DMD: variants seen among roughly 807,000 people sequenced by gnomAD.
DMD encodes dystrophin.
A neutral mutation model predicts 330.1 loss-of-function variants in DMD; 63 were observed. The ratio of observed to expected loss-of-function variants is 0.19; its 90% confidence interval spans 0.16 to 0.24. The LOEUF is 0.24. DMD is among the 10% of genes least tolerant of loss of function. The pLI is 1.00. For synonymous variants in DMD, 1,223 were observed against 959.8 expected, an observed-to-expected ratio of 1.27 and a Z score of -5.07; for missense variants, 3,344 against 2,684.1, an observed-to-expected ratio of 1.25 and a Z score of -5.43.
intron 1 of DMD, among the ~76,000 whole-genome samples, chrX:33,217,752 T>C (rs932668431): frequency 2.7e-5 from 3 of 111,798 alleles, no homozygotes; most frequent in Non-Finnish European, 5.7e-5. Flanking sequence ...TGAAACTTCA[T>C]ATTCATTGAT....
At chrX:32,418,387 T>C (rs1170908195) in intron 29 of DMD, among the ~76,000 whole-genome samples, 2 of 111,545 alleles carry the variant, frequency 1.8e-5, no homozygotes, top group Non-Finnish European at 3.8e-5. Flanking sequence ...TTAAGAAATA[T>C]CTGTGAAAAA....
chrX:31,465,238 G>T (rs1297565087), intron 59 of DMD, among the ~76,000 whole-genome samples: 1 of 110,812 alleles, frequency 9.0e-6, no homozygotes, highest in African/African-American at 3.3e-5. Flanking sequence ...TAAGTTCTGG[G>T]ATACATGTGC....
At chrX:33,231,920 C>T (rs1358927816) in intron 1 of DMD, among the ~76,000 whole-genome samples, 1 of 111,376 alleles carries the variant, frequency 9.0e-6, no homozygotes, top group Non-Finnish European at 1.9e-5. Context: ...CAACAGGAGA[C>T]TACTCGGCAA....
At chrX:32,138,773 C>T (rs990561779) in intron 44 of DMD, among the ~76,000 whole-genome samples, 8 of 112,228 alleles carry the variant, frequency 7.1e-5, no homozygotes, top group African/African-American at 2.3e-4. Context: ...TCATGCCATA[C>T]TACAGTCTAT....
intron 55 of DMD, among the ~76,000 whole-genome samples, chrX:31,531,003 A>T (rs2073758745): frequency 2.1e-5 from 2 of 94,690 alleles, no homozygotes; most frequent in African/African-American, 8.7e-5. Context: ...ACGGACATGA[A>T]CTCATCATTT....
At chrX:32,085,242 A>G (rs1402021179) in intron 44 of DMD, among the ~76,000 whole-genome samples, 2 of 111,120 alleles carry the variant, frequency 1.8e-5, no homozygotes, top group African/African-American at 3.3e-5. Flanking sequence ...ACACATATGT[A>G]TATGCATATG....
chrX:32,587,909 T>A (rs187087346), intron 13 of DMD, among the ~76,000 whole-genome samples: 1 of 111,704 alleles, frequency 9.0e-6, no homozygotes, highest in African/African-American at 3.2e-5. Flanking sequence ...ATAATGTAGG[T>A]TCTAATACAA....
At chrX:31,352,160 C>T (rs2058462575) in intron 60 of DMD, among the ~76,000 whole-genome samples, 1 of 111,237 alleles carries the variant, frequency 9.0e-6, no homozygotes, top group Non-Finnish European at 1.9e-5. Context: ...AGTTGTTCAA[C>T]GTATTTTATG....
In DMD at chrX:32,441,163, C is replaced by T; in HGVS notation, c.3921+17G>A. On this transcript the variant is annotated intron_variant, in intron 28 of 78. Transcript: ENST00000357033. Reference sequence around the variant, plus strand: ...CTGCATATAAATTATCATCATTTGGCTTAATTTACAACTTACATCTAGCAC... The same window carrying T: ...CTGCATATAAATTATCATCATTTGGTTTAATTTACAACTTACATCTAGCAC... 3.3e-6 allele frequency: 4 copies of T among 1,205,368 alleles called. No homozygotes were observed. The highest frequency in any genetic ancestry group is 4.5e-6 in the Non-Finnish European group (4 of 890,558).
intron 55 of DMD, among the ~76,000 whole-genome samples, chrX:31,555,869 G>A (rs1432736465): frequency 9.0e-6 from 1 of 111,447 alleles, no homozygotes; most frequent in Non-Finnish European, 1.9e-5. Context: ...TATCTTTCCC[G>A]TTTGCTTCTC....
intron 2 of DMD, among the ~76,000 whole-genome samples, chrX:32,859,260 G>A (rs748234803): frequency 1.8e-5 from 2 of 110,438 alleles, no homozygotes; most frequent in Admixed American, 1.9e-4. Flanking sequence ...TTAAGGTCAG[G>A]AGTTCGAGAC....
intron 61 of DMD, among the ~76,000 whole-genome samples, chrX:31,346,527 G>A (rs1048492382): frequency 9.0e-6 from 1 of 111,168 alleles, no homozygotes; most frequent in African/African-American, 3.3e-5. Context: ...ATAAAAAGTG[G>A]TATAAATTAA....
intron 45 of DMD, among the ~76,000 whole-genome samples, chrX:31,957,388 T>G (rs748994628): frequency 4.5e-5 from 5 of 111,857 alleles, no homozygotes; most frequent in Admixed American, 9.5e-5. Context: ...ATCTAGGAGC[T>G]AAAAACATTC....
intron 21 of DMD, among the ~76,000 whole-genome samples, chrX:32,475,040 A>G (rs2041084276): frequency 9.0e-6 from 1 of 111,201 alleles, no homozygotes; most frequent in South Asian, 3.8e-4. Flanking sequence ...GTATAATGTG[A>G]GAGATGAGGA....
intron 43 of DMD, among the ~76,000 whole-genome samples, chrX:32,253,768 C>T (rs760896712): frequency 2.8e-5 from 3 of 107,849 alleles, no homozygotes; most frequent in East Asian, 6.0e-4. Flanking sequence ...GGACTATAGG[C>T]GTGCACCACC....
intron 55 of DMD, among the ~76,000 whole-genome samples, chrX:31,547,762 G>A (rs2074234122): frequency 8.9e-6 from 1 of 111,950 alleles, no homozygotes; most frequent in African/African-American, 3.2e-5. Context: ...TTTCAGACTT[G>A]GAGTTTTTCT....
intron 62 of DMD, chrX:31,266,819 T>C: frequency 8.3e-7 from 1 of 1,205,498 alleles, no homozygotes; most frequent in Non-Finnish European, 1.1e-6. Flanking sequence ...CCCTTTGAGC[T>C]GTTCCCTCAT....
At chrX:32,692,192 A>G (rs1011140291) in intron 9 of DMD, among the ~76,000 whole-genome samples, 4 of 112,435 alleles carry the variant, frequency 3.6e-5, no homozygotes, top group Non-Finnish European at 7.5e-5. Context: ...AAAAGAAGTT[A>G]AACGATAAGA....
chrX:32,778,335 T>A (rs1391020517), intron 7 of DMD, among the ~76,000 whole-genome samples: 1 of 109,785 alleles, frequency 9.1e-6, no homozygotes, highest in African/African-American at 3.3e-5. Context: ...CCGAACCCTA[T>A]AGAAATGAGC....
Sources: gnomAD v4.1 joint callset for allele counts (sites outside exome capture counted in the v4.1 genomes callset) on GRCh38, gnomAD v4.1.1 for gene constraint, MANE v1.5 for transcripts, NCBI Gene and HGNC (gene_info 2026-07-23, HGNC 2026-07-21) for gene names.